ETNK1: variants seen among roughly 807,000 people sequenced by gnomAD.
ETNK1 encodes ethanolamine kinase 1, also known as putative protein product of Nbla10396.
A neutral mutation model predicts 45.1 loss-of-function variants in ETNK1; 8 were observed. The observed-to-expected ratio is 0.18, with a 90% CI of 0.10 to 0.32. The LOEUF is 0.32. ETNK1 is among the 10% of genes least tolerant of loss of function. The pLI is 1.00. For missense variants in ETNK1, 302 were observed against 430.6 expected (o/e 0.70, Z 2.64); for synonymous variants, 152 against 151.9 (o/e 1.00, Z -0.01).
rs1954252681 is a variant in ETNK1 at position 22,685,457 on chromosome 12, T to C, written c.*503T>C. On this transcript the variant is annotated 3_prime_UTR_variant, in exon 8 of 8. Coordinates refer to ENST00000266517, the MANE Select transcript of ETNK1 (RefSeq NM_018638.5). Reference sequence around the variant, plus strand: ...TCTTGAAATGCCAGTCATTGACTGATGTAGATAATTTAGGATTTTCATATA... The same window carrying C: ...TCTTGAAATGCCAGTCATTGACTGACGTAGATAATTTAGGATTTTCATATA... The C allele has an allele frequency of 6.6e-6, 1 of 152,036 alleles. No individual in the cohort carries two copies. Among genetic ancestry groups the C allele is most frequent in the African/African-American group, 2.4e-5 (1 of 41,446 alleles). The allele number at this position is 152,036 out of a possible 1,614,324, so 9.4% of individuals were successfully genotyped here.
intron 2 of ETNK1, among the ~76,000 whole-genome samples, chr12:22,651,246 T>C (rs1050920931): frequency 5.9e-5 from 9 of 152,338 alleles, no homozygotes; most frequent in African/African-American, 2.2e-4. Context: ...TTTAATCTTT[T>C]ATTATGCAGA....
intron 2 of ETNK1, among the ~76,000 whole-genome samples, chr12:22,650,521 CAT>C (rs1443787158): frequency 2.0e-5 from 3 of 152,024 alleles, no homozygotes; most frequent in African/African-American, 4.8e-5. Flanking sequence ...TTTTTCTGCA[CAT>C]GTCGATAGGT....
At chr12:22,657,562 G>T (rs1312411849) in intron 2 of ETNK1, among the ~76,000 whole-genome samples, 2 of 151,304 alleles carry the variant, frequency 1.3e-5, no homozygotes, top group Non-Finnish European at 2.9e-5. Flanking sequence ...ATAATCAGTA[G>T]GTTTCTCTAA....
rs148942952 is a variant in ETNK1 at position 22,631,629 on chromosome 12, G to A, written c.156+6043G>A. Reference sequence around the variant, plus strand: ...ACTGTTGTGTTAGTCCAGACAAGAGGTGCTGGGGCCCAGATTAGGACAGAT... The same window carrying A: ...ACTGTTGTGTTAGTCCAGACAAGAGATGCTGGGGCCCAGATTAGGACAGAT... On this transcript the variant is annotated intron_variant, in intron 1 of 7. Transcript: ENST00000266517. Among the ~76,000 whole-genome samples, 9 of 152,266 alleles carry A rather than the reference G, an allele frequency of 5.9e-5. No individual in the cohort carries two copies. In the East Asian group the frequency reaches 1.7e-3, roughly 29 times the overall value.
chr12:22,661,228 A>C, intron 4 of ETNK1, 23 bp downstream of exon 4: 1 of 1,567,468 alleles, frequency 6.4e-7, no homozygotes, highest in Non-Finnish European at 8.6e-7. Context: ...CCTTAGCAGT[A>C]AGTAAAATTG....
intron 3 of ETNK1, 147 bp from the exon 4 acceptor site, chr12:22,660,916 C>T: frequency 3.2e-6 from 2 of 623,944 alleles, no homozygotes; most frequent in Non-Finnish European, 5.2e-6. Context: ...TTTATTCTAA[C>T]TTTTGAAATA....
Position 22,643,753 on chromosome 12 carries a change from T to C in ETNK1, c.157-10T>C, listed in dbSNP as rs555602183. 4 of 1,561,954 alleles carry C rather than the reference T, an allele frequency of 2.6e-6. No individual in the cohort carries two copies. The highest frequency in any genetic ancestry group is 4.5e-5 in the East Asian group (2 of 44,178). On this transcript the variant is annotated splice_polypyrimidine_tract_variant and intron_variant, in intron 1 of 7. Transcript: ENST00000266517. The stretch of plus-strand genomic sequence containing the variant: ...CTTTTTTTCCCATTTTTAAAAAAAA[T>C]TTTTGGCAGCTCTTCACAGATGGAA...
At chr12:22,630,437 T>TG (rs1953561264) in intron 1 of ETNK1, among the ~76,000 whole-genome samples, 2 of 151,916 alleles carry the variant, frequency 1.3e-5, no homozygotes, top group East Asian at 3.9e-4. Context: ...TTCATAGAGG[T>TG]GGGGGTACCT....
chr12:22,634,506 G>A (rs1201367944), intron 1 of ETNK1, among the ~76,000 whole-genome samples: 1 of 152,070 alleles, frequency 6.6e-6, no homozygotes, highest in African/African-American at 2.4e-5. Context: ...AAGGTCTGTA[G>A]TGAAGTTCAT....
In ETNK1 at chr12:22,625,484, C is replaced by T. The variant is rs1953478595; in HGVS notation, c.54C>T (p.Asn18=). 1 of 1,605,090 alleles carries T rather than the reference C, an allele frequency of 6.2e-7. No individual in the cohort carries two copies. Among genetic ancestry groups the T allele is most frequent in the Non-Finnish European group, 8.5e-7 (1 of 1,176,404 alleles). ...PPGSPEVPKL[N]VTVQDQEEHR... ...GCTCCCCGGAGGTGCCCAAGCTGAACGTCACCGTTCAGGATCAGGAGGAGC... is the reference window on the plus strand; with the variant it reads ...GCTCCCCGGAGGTGCCCAAGCTGAATGTCACCGTTCAGGATCAGGAGGAGC... Residue 18 remains asparagine (N), a synonymous_variant, in exon 1 of 8, where the codon AAC becomes AAT. Transcript: ENST00000266517.
chr12:22,638,813 G>A (rs181196615), intron 1 of ETNK1: 5 of 152,144 alleles, frequency 3.3e-5, no homozygotes, highest in African/African-American at 7.2e-5. Flanking sequence ...TCCAGAATCC[G>A]TATTTGCTTC....
chr12:22,646,477 A>C (rs1364447066), intron 2 of ETNK1, among the ~76,000 whole-genome samples: 2 of 151,868 alleles, frequency 1.3e-5, no homozygotes, highest in Non-Finnish European at 3.0e-5. Flanking sequence ...TTCTGTGGTT[A>C]AAAAGAATCT....
chr12:22,625,773 T>C lies in ETNK1; in HGVS notation c.156+187T>C, dbSNP rs1366942225. 28 of 878,266 alleles carry C rather than the reference T, an allele frequency of 3.2e-5. No individual in the cohort carries two copies. In the Admixed American group the frequency reaches 5.6e-4, roughly 17 times the overall value. The allele number at this position is 878,266 out of a possible 1,614,324, so 54.4% of individuals were successfully genotyped here. A position where few individuals can be genotyped will look rare whatever the true frequency, so the allele number is the denominator to read the frequency against. ...GGTCACTCCCCCTTCCCGTCGCAGT[T>C]GCTCTTTGAGATTGACCTGAGGCAC... is the stretch of plus-strand genomic sequence containing the variant. On this transcript the variant is annotated intron_variant, in intron 1 of 7. Coordinates refer to ENST00000266517, the MANE Select transcript of ETNK1 (RefSeq NM_018638.5).
At chr12:22,640,612 C>T (rs1014735087) in intron 1 of ETNK1, among the ~76,000 whole-genome samples, 12 of 152,160 alleles carry the variant, frequency 7.9e-5, no homozygotes, top group East Asian at 5.8e-4. Flanking sequence ...GCTACATTTA[C>T]GAGCTTACGG....
At chr12:22,626,879 A>T (rs900488092) in intron 1 of ETNK1, among the ~76,000 whole-genome samples, 1 of 152,198 alleles carries the variant, frequency 6.6e-6, no homozygotes, top group Non-Finnish European at 1.5e-5. Context: ...GTGTCTTCCA[A>T]ATTGAAATTC....
chr12:22,683,499 C>T (rs760851684), intron 6 of ETNK1, among the ~76,000 whole-genome samples: 1 of 152,010 alleles, frequency 6.6e-6, no homozygotes, highest in Non-Finnish European at 1.5e-5. Context: ...GTCTTTAAAA[C>T]AATCCTGTGT....
intron 2 of ETNK1, among the ~76,000 whole-genome samples, chr12:22,652,535 A>G (rs1332827365): frequency 6.6e-6 from 1 of 152,166 alleles, no homozygotes; most frequent in Admixed American, 6.5e-5. Flanking sequence ...TTTTTGTAGT[A>G]ACCATTCTAA....
At chr12:22,649,522 G>A (rs914978566) in intron 2 of ETNK1, among the ~76,000 whole-genome samples, 1 of 151,992 alleles carries the variant, frequency 6.6e-6, no homozygotes, top group East Asian at 1.9e-4. Context: ...TCAGTTGACT[G>A]TATTTATATG....
At chr12:22,625,707 C>A in intron 1 of ETNK1, 121 bp downstream of exon 1, 1 of 1,398,236 alleles carries the variant, frequency 7.2e-7, no homozygotes, top group South Asian at 1.2e-5. Flanking sequence ...CTCCTTAAGT[C>A]TATTGGGAAG....
Sources: allele counts gnomAD v4.1 joint callset (sites outside exome capture counted in the v4.1 genomes callset), GRCh38; gene constraint gnomAD v4.1.1; transcripts MANE v1.5; gene names NCBI Gene and HGNC (gene_info 2026-07-23, HGNC 2026-07-21).